TBXAS1: variants seen among roughly 807,000 people sequenced by gnomAD.
TBXAS1 encodes the protein thromboxane A synthase 1, also known as thromboxane-A synthase.
In TBXAS1, 48 loss-of-function variants were observed where a neutral mutation model predicts 60.7. The observed-to-expected ratio is 0.79, with a 90% CI of 0.63 to 1.01. The LOEUF is 1.01. TBXAS1 is among the 50% of genes least tolerant of loss of function. TBXAS1 has a pLI of 0.00. For synonymous variants in TBXAS1, 287 were observed against 269.7 expected (o/e 1.06, Z -0.63); for missense variants, 685 against 686.3 (o/e 1.00, Z 0.02).
Position 139,984,640 on chromosome 7 carries a change from GAGAAAGAA to G in TBXAS1, c.1134+22414_1134+22421del, listed in dbSNP as rs72314614. On this transcript the variant is annotated intron_variant, in intron 9 of 12. Transcript: ENST00000448866. ...AGAGAGAGAGAGAGAGAGAGAGAGAGAGAAAGAAAGAAAGGGAAGGGGGAAAGAAAGAA... is the reference window on the plus strand; with the variant it reads ...AGAGAGAGAGAGAGAGAGAGAGAGAGAGAAAGGGAAGGGGGAAAGAAAGAA... Among the ~76,000 whole-genome samples, 705 of 99,858 alleles carry G rather than the reference GAGAAAGAA, an allele frequency of 7.1e-3. 21 individuals are homozygous for G. Among genetic ancestry groups the G allele is most frequent in the African/African-American group, 0.025 (653 of 26,008 alleles). The allele number at this position is 99,858 out of a possible 152,430, so 65.5% of individuals were successfully genotyped here. A position where few individuals can be genotyped will look rare whatever the true frequency, so the allele number is the denominator to read the frequency against.
At chr7:139,874,849 C>G (rs1802103075) in intron 2 of TBXAS1, among the ~76,000 whole-genome samples, 1 of 152,220 alleles carries the variant, frequency 6.6e-6, no homozygotes, top group Non-Finnish European at 1.5e-5. Flanking sequence ...AATCCCAGCA[C>G]TTTGGGAGGC....
At position 139,778,924 on chromosome 7, in the gene TBXAS1, T is replaced by C. The variant is rs1796882563; in HGVS notation, c.-318+453T>C. Among the ~76,000 whole-genome samples, 1 of 152,170 alleles carries C rather than the reference T, an allele frequency of 6.6e-6. No individual in the cohort carries two copies. Among genetic ancestry groups the C allele is most frequent in the Non-Finnish European group, 1.5e-5 (1 of 68,016 alleles). The stretch of plus-strand genomic sequence containing the variant: ...TCCTCTTAGGCACTGTTTTTAAAAC[T>C]GTGGGTCGTGACACAGTAATAGATC... On this transcript the variant is annotated intron_variant, in intron 1 of 16. Transcript: ENST00000336425. This position sits in a 1 kb window ranked among gnomAD's most constrained non-coding sequence, Gnocchi z 4.8.
chr7:139,898,516 G>A (rs1482077783), intron 3 of TBXAS1, among the ~76,000 whole-genome samples: 3 of 144,020 alleles, frequency 2.1e-5, no homozygotes, highest in Non-Finnish European at 3.0e-5. Flanking sequence ...TAGTAGAGAC[G>A]GGGTTTCGCC....
intron 6 of TBXAS1, among the ~76,000 whole-genome samples, chr7:139,954,696 A>T (rs897365244): frequency 6.6e-6 from 1 of 152,248 alleles, no homozygotes; most frequent in Non-Finnish European, 1.5e-5. Flanking sequence ...AAGATAACAA[A>T]AAGAATCATT....
In TBXAS1 at chr7:139,781,837, C is replaced by CAAAAAAAAAA. The variant is rs200999267; in HGVS notation, c.-232-815_-232-806dup. On this transcript the variant is annotated intron_variant, in intron 2 of 16. Transcript: ENST00000336425. ...AGGCAACAAGAGCTAAATTCCATCT[C>CAAAAAAAAAA]AAAAAAAAAAAAAAAAAAAAAAAGG... Among the ~76,000 whole-genome samples the CAAAAAAAAAA allele has an allele frequency of 8.9e-5, 6 of 67,304 alleles. No homozygotes were observed. In the East Asian group the frequency reaches 1.9e-3, roughly 21 times the overall value. The allele number at this position is 67,304 out of a possible 152,430, so 44.2% of individuals were successfully genotyped here.
At chr7:139,856,460 G>A (rs9886049) in intron 1 of TBXAS1, among the ~76,000 whole-genome samples, 12,785 of 152,226 alleles carry the variant, frequency 0.084, 1,519 homozygotes, top group African/African-American at 0.27. Context: ...AAATTGGAAA[G>A]GAGAGCTTTA....
At chr7:139,793,433 T>TA (rs1202024569) in intron 4 of TBXAS1, among the ~76,000 whole-genome samples, 1 of 151,910 alleles carries the variant, frequency 6.6e-6, no homozygotes, top group Non-Finnish European at 1.5e-5. Flanking sequence ...AAAAAGTATT[T>TA]ATTGAACACC....
Position 140,004,719 on chromosome 7 carries a change from C to T in TBXAS1, c.1135-2372C>T, listed in dbSNP as rs1813925950. 6.6e-6 allele frequency among the ~76,000 whole-genome samples: 1 copy of T among 152,200 alleles called. No individual in the cohort carries two copies. Among genetic ancestry groups the T allele is most frequent in the Non-Finnish European group, 1.5e-5 (1 of 68,032 alleles). On this transcript the variant is annotated intron_variant, in intron 9 of 12. Transcript: ENST00000448866. The surrounding 1 kb of genome is among the most constrained non-coding windows in gnomAD (Gnocchi z 5.1). ...GGAGGCAGGATCTAGGGAAATTGGTCCAGCTGTCTCCCCTTTCCACAGCCT... is the reference window on the plus strand; with the variant it reads ...GGAGGCAGGATCTAGGGAAATTGGTTCAGCTGTCTCCCCTTTCCACAGCCT...
intron 9 of TBXAS1, among the ~76,000 whole-genome samples, chr7:139,982,831 A>T (rs987101965): frequency 1.3e-5 from 2 of 152,160 alleles, no homozygotes; most frequent in Non-Finnish European, 2.9e-5. Context: ...ACAAACGAGG[A>T]AATGTATCGG....
intron 3 of TBXAS1, among the ~76,000 whole-genome samples, chr7:139,897,094 C>T (rs1170697344): frequency 2.6e-5 from 4 of 152,162 alleles, no homozygotes; most frequent in Non-Finnish European, 5.9e-5. Flanking sequence ...GCATGCTTAA[C>T]ACCATAATGA....
At chr7:139,869,795 G>A (rs1801689717) in intron 1 of TBXAS1, among the ~76,000 whole-genome samples, 1 of 152,188 alleles carries the variant, frequency 6.6e-6, no homozygotes, top group African/African-American at 2.4e-5. Flanking sequence ...CTTTTTGGTG[G>A]TGATACAATT....
intron 4 of TBXAS1, among the ~76,000 whole-genome samples, chr7:139,933,965 G>A (rs1470418345): frequency 9.2e-5 from 14 of 152,082 alleles, no homozygotes; most frequent in Non-Finnish European, 1.6e-4. Context: ...TGAGAAGAAG[G>A]GATGAGGAGA....
intron 3 of TBXAS1, among the ~76,000 whole-genome samples, chr7:139,899,291 C>T (rs963893030): frequency 3.3e-5 from 5 of 152,084 alleles, no homozygotes; most frequent in Admixed American, 1.3e-4. Flanking sequence ...CATGTCGGTG[C>T]CTGTAGGTGA....
rs1256686154 is a variant in TBXAS1, at chr7:139,778,515, C to G, written c.-318+44C>G. The G allele has an allele frequency of 6.6e-6, 1 of 152,226 alleles. No individual in the cohort carries two copies. The highest frequency in any genetic ancestry group is 2.0e-4 in the East Asian group (1 of 5,118). 9.4% of individuals were successfully genotyped at this position (152,226 alleles called of 1,614,324 possible). ...AATGAAGGAGTGGGCGCGCGCCGTG[C>G]TCCGGAGGAGGGCGGGTGAGTGGAG... On this transcript the variant is annotated intron_variant, in intron 1 of 16. Coordinates refer to the TBXAS1 transcript ENST00000336425. The surrounding 1 kb of genome is among the most constrained non-coding windows in gnomAD (Gnocchi z 4.8).
At chr7:140,012,472 T>G (rs111375605) in intron 10 of TBXAS1, among the ~76,000 whole-genome samples, 5,692 of 151,894 alleles carry the variant, frequency 0.037, 367 homozygotes, top group African/African-American at 0.13. Context: ...CTTTTTTTTT[T>G]TTTTTTTTGA....
intron 1 of TBXAS1, among the ~76,000 whole-genome samples, chr7:139,869,890 G>A (rs1801696987): frequency 6.6e-6 from 1 of 152,200 alleles, no homozygotes; most frequent in South Asian, 2.1e-4. Flanking sequence ...CCTGAGACCA[G>A]AGGGTATGAA....
At chr7:139,948,231 T>A (rs1293421797) in intron 5 of TBXAS1, among the ~76,000 whole-genome samples, 1 of 152,162 alleles carries the variant, frequency 6.6e-6, no homozygotes, top group East Asian at 1.9e-4. Context: ...GGGAGGCCTC[T>A]CTTTCTGGTT....
At chr7:139,872,156 G>A in intron 1 of TBXAS1, 79 bp from the exon 2 acceptor site, 2 of 1,400,564 alleles carry the variant, frequency 1.4e-6, no homozygotes, top group Admixed American at 1.7e-5. Flanking sequence ...AGAGAGCTCA[G>A]TAATTCTAGT....
intron 4 of TBXAS1, among the ~76,000 whole-genome samples, chr7:139,820,077 C>T (rs1445698970): frequency 6.6e-6 from 1 of 152,002 alleles, no homozygotes; most frequent in Non-Finnish European, 1.5e-5. Context: ...CTGTCTGTCT[C>T]CTTATGCCTG....
Sources: gnomAD v4.1 joint callset for allele counts (sites outside exome capture counted in the v4.1 genomes callset) on GRCh38, gnomAD v4.1.1 for gene constraint, Gnocchi (gnomAD v3.1) non-coding constraint, MANE v1.5 for transcripts, NCBI Gene and HGNC (gene_info 2026-07-23, HGNC 2026-07-21) for gene names.